The following CADM2 variants were observed in gnomAD, a reference collection of about 807,000 sequenced individuals.
The protein encoded by CADM2 is immunoglobulin superfamily member 4D.
CADM2 carries 12 observed loss-of-function variants against 49.8 expected under a neutral mutation model. The observed-to-expected ratio is 0.24, with a 90% CI of 0.15 to 0.39. CADM2 has a LOEUF of 0.39. Among genes scored for constraint, CADM2 ranks in the 10% least tolerant of loss-of-function variants. CADM2 has a pLI of 1.00. For synonymous variants in CADM2, 214 were observed against 175.4 expected (o/e 1.22, Z -1.74); for missense variants, 378 against 492.3 (o/e 0.77, Z 2.20).
chr3:85,161,874 G>T (rs543024530), intron 1 of CADM2, among the ~76,000 whole-genome samples: 1 of 152,070 alleles, frequency 6.6e-6, no homozygotes, highest in South Asian at 2.1e-4. Flanking sequence ...AAAATTAGCC[G>T]GGTATGGTGG....
intron 2 of CADM2, among the ~76,000 whole-genome samples, chr3:85,794,867 T>C (rs962528719): frequency 4.6e-5 from 7 of 152,148 alleles, no homozygotes; most frequent in African/African-American, 1.4e-4. Flanking sequence ...AGATGTTGAT[T>C]CATACAAAGC....
intron 1 of CADM2, among the ~76,000 whole-genome samples, chr3:85,394,228 C>G (rs1344664679): frequency 2.0e-5 from 3 of 152,074 alleles, no homozygotes; most frequent in Admixed American, 6.5e-5. Flanking sequence ...CTTCCATAAA[C>G]TATACATTCC....
intron 8 of CADM2, among the ~76,000 whole-genome samples, chr3:85,998,784 AT>A (rs1729754011): frequency 6.6e-6 from 1 of 152,170 alleles, no homozygotes; most frequent in Non-Finnish European, 1.5e-5. Context: ...CATTGGAGAA[AT>A]CTAGATAATT....
At chr3:85,221,578 CT>C (rs2042044693) in intron 1 of CADM2, among the ~76,000 whole-genome samples, 3 of 152,038 alleles carry the variant, frequency 2.0e-5, no homozygotes, top group Admixed American at 2.0e-4. Context: ...GGAAGTTACC[CT>C]GTATCTTTAT....
chr3:85,565,040 C>A (rs1374974416), intron 1 of CADM2, among the ~76,000 whole-genome samples: 3 of 152,034 alleles, frequency 2.0e-5, no homozygotes, highest in Admixed American at 2.0e-4. Context: ...GACAAGGACT[C>A]ACAATCATGA....
At chr3:85,983,632 G>A (rs1014751836) in intron 8 of CADM2, among the ~76,000 whole-genome samples, 1 of 151,714 alleles carries the variant, frequency 6.6e-6, no homozygotes, top group Non-Finnish European at 1.5e-5. Context: ...TGAAATGGTA[G>A]ATTTTCCCCT....
intron 1 of CADM2, among the ~76,000 whole-genome samples, chr3:85,259,861 T>C (rs2042975095): frequency 6.6e-6 from 1 of 152,106 alleles, no homozygotes; most frequent in South Asian, 2.1e-4. Context: ...AATAATAACA[T>C]GTAATTGTGT....
intron 1 of CADM2, among the ~76,000 whole-genome samples, chr3:85,718,749 AG>A (rs1397152254): frequency 6.6e-6 from 1 of 151,852 alleles, no homozygotes; most frequent in Non-Finnish European, 1.5e-5. Context: ...GTGAGAAAAC[AG>A]GGAAAATAAG....
intron 1 of CADM2, among the ~76,000 whole-genome samples, chr3:85,211,108 T>G (rs1355382163): frequency 6.6e-6 from 1 of 152,194 alleles, no homozygotes; most frequent in African/African-American, 2.4e-5. Flanking sequence ...AATGAGCCTT[T>G]TAATTTCTGT....
chr3:85,507,329 A>G (rs2040401541), intron 1 of CADM2, among the ~76,000 whole-genome samples: 1 of 151,746 alleles, frequency 6.6e-6, no homozygotes, highest in Non-Finnish European at 1.5e-5. Flanking sequence ...CTGGGGCTAT[A>G]GGCGTGCACC....
At chr3:85,872,723 A>G (rs922207337) in intron 3 of CADM2, among the ~76,000 whole-genome samples, 4 of 149,442 alleles carry the variant, frequency 2.7e-5, no homozygotes, top group East Asian at 1.9e-4. Context: ...ATATTTATAC[A>G]TTATATATAT....
chr3:85,185,903 A>G (rs2041049315), intron 1 of CADM2, among the ~76,000 whole-genome samples: 1 of 152,294 alleles, frequency 6.6e-6, no homozygotes, highest in African/African-American at 2.4e-5. Context: ...TTGGGTAAGT[A>G]ATTGATTATT....
chr3:85,524,058 A>G (rs2061098416), intron 1 of CADM2, among the ~76,000 whole-genome samples: 1 of 152,156 alleles, frequency 6.6e-6, no homozygotes, highest in African/African-American at 2.4e-5. Context: ...CACTGTGAAG[A>G]TCATCCACAA....
At chr3:85,906,763 C>G (rs1281824639) in intron 5 of CADM2, among the ~76,000 whole-genome samples, 1 of 152,176 alleles carries the variant, frequency 6.6e-6, no homozygotes, top group Admixed American at 6.5e-5. Flanking sequence ...AATATAGCCA[C>G]TATGTTTGGT....
At chr3:85,059,187 C>A (rs1215754093) in intron 1 of CADM2, among the ~76,000 whole-genome samples, 1 of 151,474 alleles carries the variant, frequency 6.6e-6, no homozygotes, top group Middle Eastern at 3.4e-3. Context: ...TGCAGTGAGC[C>A]GAGATCGCGC....
At chr3:86,050,076 G>T (rs1737164783) in intron 8 of CADM2, among the ~76,000 whole-genome samples, 1 of 152,118 alleles carries the variant, frequency 6.6e-6, no homozygotes. Flanking sequence ...TTCTGCCTAT[G>T]AGCCTATAAA....
intron 1 of CADM2, among the ~76,000 whole-genome samples, chr3:85,389,475 A>G (rs540241306): frequency 6.6e-6 from 1 of 152,126 alleles, no homozygotes; most frequent in Admixed American, 6.6e-5. Context: ...CTAATTTATT[A>G]TGTTATTTTT....
In CADM2 at chr3:85,564,575, G is replaced by A. The variant is rs565721162; in HGVS notation, c.62-161947G>A. On this transcript the variant is annotated intron_variant, in intron 1 of 9. Transcript: ENST00000383699. ...TAATGATACGATTTAAATAAGATAT[G>A]TAATAGATTTATGTTCTAGGCATAA... Among the ~76,000 whole-genome samples the A allele has an allele frequency of 3.3e-4, 50 of 152,174 alleles. 1 individual carries two copies. The highest frequency in any genetic ancestry group is 8.3e-4 in the South Asian group (4 of 4,822).
At chr3:84,984,877 A>C (rs2107152456) in intron 1 of CADM2, among the ~76,000 whole-genome samples, 1 of 152,322 alleles carries the variant, frequency 6.6e-6, no homozygotes, top group East Asian at 1.9e-4. Context: ...TGAGTGTACT[A>C]ATGATTTCAA....
Sources: allele counts gnomAD v4.1 joint callset (sites outside exome capture counted in the v4.1 genomes callset), GRCh38; gene constraint gnomAD v4.1.1; transcripts MANE v1.5; gene names NCBI Gene and HGNC (gene_info 2026-07-23, HGNC 2026-07-21).